The following THSD7A variants were observed in gnomAD, a reference collection of about 807,000 sequenced individuals.
THSD7A encodes thrombospondin type-1 domain-containing protein 7A.
Under a neutral mutation model 231.3 loss-of-function variants are expected in THSD7A, and 96 were observed. The observed-to-expected ratio is 0.41, with a 90% CI of 0.35 to 0.49. THSD7A has a LOEUF of 0.49. Ranked by LOEUF, THSD7A falls within the 20% of genes least tolerant of loss-of-function variation. The pLI is 0.05. For synonymous variants in THSD7A, 940 were observed against 743.3 expected (o/e 1.26, Z -4.30); for missense variants, 2,290 against 2,070.2 (o/e 1.11, Z -2.06).
rs2115401618 is a variant in THSD7A at position 11,419,126 on chromosome 7, T to C, written c.3384-1523A>G. Among the ~76,000 whole-genome samples, 4 of 152,324 alleles carry C rather than the reference T, an allele frequency of 2.6e-5. No individual in the cohort carries two copies. The Middle Eastern group carries it at 0.014, about 518-fold the overall frequency. On this transcript the variant is annotated intron_variant, in intron 16 of 27. Coordinates refer to ENST00000423059, the MANE Select transcript of THSD7A (RefSeq NM_015204.3). ...GCAAGGATTAACTTGTAGAATTACCTATTGACCAGAGTTAAGAACAGATAT... is the reference window on the plus strand; with the variant it reads ...GCAAGGATTAACTTGTAGAATTACCCATTGACCAGAGTTAAGAACAGATAT...
At chr7:11,548,232 C>G (rs1789480346) in intron 4 of THSD7A, among the ~76,000 whole-genome samples, 2 of 152,022 alleles carry the variant, frequency 1.3e-5, no homozygotes, top group Admixed American at 1.3e-4. Context: ...TATGATACCT[C>G]TATGCACACA....
At chr7:11,692,072 G>C (rs1466689610) in intron 1 of THSD7A, among the ~76,000 whole-genome samples, 1 of 151,516 alleles carries the variant, frequency 6.6e-6, no homozygotes, top group Non-Finnish European at 1.5e-5. Context: ...TAGTGTAAGA[G>C]AGGCTGCTTG....
chr7:11,470,657 G>A (rs188348212), intron 8 of THSD7A, among the ~76,000 whole-genome samples: 284 of 151,480 alleles, frequency 1.9e-3, no homozygotes, highest in African/African-American at 6.5e-3. Flanking sequence ...TAAATGATGG[G>A]ATTTAATCTT....
chr7:11,549,973 G>A lies in THSD7A; in HGVS notation c.1454-6856C>T, dbSNP rs143488672. 7.6e-3 allele frequency among the ~76,000 whole-genome samples: 1,150 copies of A among 152,078 alleles called. 17 individuals are homozygous for A. The highest frequency in any genetic ancestry group is 0.026 in the African/African-American group (1,095 of 41,484). On this transcript the variant is annotated intron_variant, in intron 4 of 27. Coordinates refer to ENST00000423059, the MANE Select transcript of THSD7A (RefSeq NM_015204.3). ...ACCACTCCTATTCAAAATAGTACTG[G>A]AAGTTCTAGCCAGTGAAATCAGGCA...
At chr7:11,630,480 A>G (rs563161641) in intron 2 of THSD7A, among the ~76,000 whole-genome samples, 35 of 152,322 alleles carry the variant, frequency 2.3e-4, no homozygotes, top group African/African-American at 8.2e-4. Context: ...TATAATATTC[A>G]CCCCTTCATG....
At chr7:11,455,002 A>G (rs1336583719) in intron 11 of THSD7A, among the ~76,000 whole-genome samples, 1 of 151,976 alleles carries the variant, frequency 6.6e-6, no homozygotes, top group African/African-American at 2.4e-5. Flanking sequence ...CACCAATGTG[A>G]TGGTGGTATT....
At chr7:11,388,069 T>C (rs1014986169) in intron 23 of THSD7A, among the ~76,000 whole-genome samples, 1 of 152,174 alleles carries the variant, frequency 6.6e-6, no homozygotes, top group African/African-American at 2.4e-5. Flanking sequence ...TTGTGGTAGA[T>C]AAGCTTTTTG....
At chr7:11,482,335 C>T (rs1231083055) in intron 6 of THSD7A, among the ~76,000 whole-genome samples, 1 of 151,990 alleles carries the variant, frequency 6.6e-6, no homozygotes, top group East Asian at 1.9e-4. Context: ...CATGTCCCCT[C>T]TTTCTTTTTT....
chr7:11,668,051 A>AT (rs1783216384), intron 1 of THSD7A, among the ~76,000 whole-genome samples: 1 of 152,194 alleles, frequency 6.6e-6, no homozygotes, highest in African/African-American at 2.4e-5. Context: ...ATGAGTCTTG[A>AT]TAACAAACTG....
At chr7:11,457,841 A>G (rs1041448748) in intron 11 of THSD7A, among the ~76,000 whole-genome samples, 1 of 152,100 alleles carries the variant, frequency 6.6e-6, no homozygotes, top group Non-Finnish European at 1.5e-5. Context: ...TTCTTCTAAT[A>G]TTATGGTACA....
At chr7:11,540,352 A>C (rs12699206) in intron 6 of THSD7A, among the ~76,000 whole-genome samples, 24,428 of 152,110 alleles carry the variant, frequency 0.16, 1,981 homozygotes, top group Admixed American at 0.18. Flanking sequence ...AGTCTCCCAC[A>C]CCAGAGAGTG....
chr7:11,737,642 T>C (rs570983487), intron 1 of THSD7A, among the ~76,000 whole-genome samples: 1 of 152,120 alleles, frequency 6.6e-6, no homozygotes, highest in Admixed American at 6.5e-5. Flanking sequence ...GGCCATAACT[T>C]TGTGTCATAT....
chr7:11,799,484 A>G (rs1784219772), intron 1 of THSD7A, among the ~76,000 whole-genome samples: 1 of 152,186 alleles, frequency 6.6e-6, no homozygotes, highest in South Asian at 2.1e-4. Flanking sequence ...TCATTTAATA[A>G]ACCTATTAAA....
chr7:11,393,495 C>G (rs994856908), intron 23 of THSD7A, among the ~76,000 whole-genome samples: 1 of 152,162 alleles, frequency 6.6e-6, no homozygotes, highest in Admixed American at 6.5e-5. Flanking sequence ...GGGAACAAAA[C>G]TGGATGAAGA....
At chr7:11,816,611 C>G (rs10270630) in intron 1 of THSD7A, among the ~76,000 whole-genome samples, 48,532 of 151,782 alleles carry the variant, frequency 0.32, 8,092 homozygotes, top group East Asian at 0.52. Flanking sequence ...AAAGCGATAA[C>G]TTAGTGGAAA....
At chr7:11,821,823 T>C (rs1460968688) in intron 1 of THSD7A, among the ~76,000 whole-genome samples, 1 of 152,200 alleles carries the variant, frequency 6.6e-6, no homozygotes, top group Non-Finnish European at 1.5e-5. Context: ...TCTTTTCCCA[T>C]AGCATAACTT....
At chr7:11,535,273 T>G (rs1307547766) in intron 6 of THSD7A, among the ~76,000 whole-genome samples, 2 of 152,106 alleles carry the variant, frequency 1.3e-5, no homozygotes, top group African/African-American at 4.8e-5. Flanking sequence ...GACGGTTTTT[T>G]CTAAAAAAGT....
At chr7:11,538,598 G>T (rs1021254668) in intron 6 of THSD7A, among the ~76,000 whole-genome samples, 2 of 152,158 alleles carry the variant, frequency 1.3e-5, no homozygotes, top group Non-Finnish European at 2.9e-5. Context: ...CTTTGGAGTA[G>T]GTTCCTGCGT....
At chr7:11,419,607 G>A (rs1227524917) in intron 16 of THSD7A, among the ~76,000 whole-genome samples, 2 of 152,182 alleles carry the variant, frequency 1.3e-5, no homozygotes, top group Non-Finnish European at 2.9e-5. Flanking sequence ...CAAAAGAAGT[G>A]TAGCATTGCT....
Sources: gnomAD v4.1 joint callset for allele counts (sites outside exome capture counted in the v4.1 genomes callset) on GRCh38, gnomAD v4.1.1 for gene constraint, MANE v1.5 for transcripts, NCBI Gene and HGNC (gene_info 2026-07-23, HGNC 2026-07-21) for gene names.